ATF6: variants seen among roughly 807,000 people sequenced by gnomAD.
ATF6 encodes the protein cyclic AMP-dependent transcription factor ATF-6 alpha.
In ATF6, 53 loss-of-function variants were observed where a neutral mutation model predicts 83.6. The observed-to-expected ratio is 0.63, with a 90% confidence interval of 0.51 to 0.80. The LOEUF is 0.80. ATF6 is among the 30% of genes least tolerant of loss of function. ATF6 has a pLI of 0.00. For synonymous variants in ATF6, 288 were observed against 285.8 expected (o/e 1.01, Z -0.08); for missense variants, 744 against 797.9 (o/e 0.93, Z 0.81).
chr1:161,890,246 T>C (rs1687519699), intron 14 of ATF6, among the ~76,000 whole-genome samples: 1 of 152,264 alleles, frequency 6.6e-6, no homozygotes, highest in African/African-American at 2.4e-5. Context: ...AAGAGTCATA[T>C]AACTTAACAT....
At chr1:161,857,128 A>T (rs188367715) in intron 12 of ATF6, among the ~76,000 whole-genome samples, 8 of 152,274 alleles carry the variant, frequency 5.3e-5, no homozygotes, top group South Asian at 2.1e-4. Context: ...TCAAGATTTT[A>T]AAAAAATTCT....
At chr1:161,917,161 G>T (rs558263137) in intron 15 of ATF6, among the ~76,000 whole-genome samples, 2 of 152,310 alleles carry the variant, frequency 1.3e-5, no homozygotes, top group East Asian at 3.9e-4. Flanking sequence ...ATGCTGAGCT[G>T]CCAGTTAAGT....
chr1:161,864,959 A>T (rs1392066162), intron 14 of ATF6, among the ~76,000 whole-genome samples: 1 of 152,250 alleles, frequency 6.6e-6, no homozygotes, highest in African/African-American at 2.4e-5. Flanking sequence ...AGTATATTTT[A>T]TGGAAGTTAC....
At chr1:161,937,965 G>T (rs934932195) in intron 15 of ATF6, among the ~76,000 whole-genome samples, 2 of 151,660 alleles carry the variant, frequency 1.3e-5, no homozygotes, top group Non-Finnish European at 2.9e-5. Context: ...CAAAGCTAAA[G>T]CCCTGACAAT....
intron 15 of ATF6, among the ~76,000 whole-genome samples, chr1:161,927,942 C>T (rs570394058): frequency 6.6e-6 from 1 of 152,152 alleles, no homozygotes; most frequent in South Asian, 2.1e-4. Context: ...TTTTTAAAAA[C>T]AAAATGCTTT....
At chr1:161,922,362 G>A (rs773039974) in intron 15 of ATF6, among the ~76,000 whole-genome samples, 7 of 152,082 alleles carry the variant, frequency 4.6e-5, no homozygotes, top group South Asian at 2.1e-4. Flanking sequence ...GTATTCATTA[G>A]TTCATTTAAA....
chr1:161,909,771 A>G (rs1015626772), intron 14 of ATF6, among the ~76,000 whole-genome samples: 3 of 152,128 alleles, frequency 2.0e-5, no homozygotes, highest in African/African-American at 7.2e-5. Context: ...CCTGGCTAAC[A>G]TGGTGAAACC....
At chr1:161,939,731 C>T (rs1688607341) in intron 15 of ATF6, among the ~76,000 whole-genome samples, 3 of 152,178 alleles carry the variant, frequency 2.0e-5, no homozygotes, top group South Asian at 2.1e-4. Flanking sequence ...GAAGTGAGAA[C>T]GTATCCCTTC....
chr1:161,852,690 G>A (rs537245381), intron 11 of ATF6, among the ~76,000 whole-genome samples: 49 of 152,158 alleles, frequency 3.2e-4, no homozygotes, highest in South Asian at 1.0e-3. Flanking sequence ...ATAGCTCACC[G>A]CTTCCCCAAA....
At chr1:161,774,017 A>G (rs1265002918) in intron 1 of ATF6, among the ~76,000 whole-genome samples, 1 of 152,162 alleles carries the variant, frequency 6.6e-6, no homozygotes, top group African/African-American at 2.4e-5. Flanking sequence ...TATTACCCAC[A>G]CTTTCCTCCT....
chr1:161,937,270 G>A (rs1379034289), intron 15 of ATF6, among the ~76,000 whole-genome samples: 2 of 151,040 alleles, frequency 1.3e-5, no homozygotes, highest in Admixed American at 1.3e-4. Context: ...CGTGAACCCA[G>A]GCAGCGGAGG....
intron 9 of ATF6, among the ~76,000 whole-genome samples, chr1:161,835,276 G>A (rs950870751): frequency 6.6e-6 from 1 of 152,148 alleles, no homozygotes; most frequent in Non-Finnish European, 1.5e-5. Flanking sequence ...GGCTGGTCTC[G>A]AATTTCTGGG....
chr1:161,877,051 G>A (rs1253452227), intron 14 of ATF6, among the ~76,000 whole-genome samples: 2 of 152,032 alleles, frequency 1.3e-5, no homozygotes, highest in African/African-American at 4.8e-5. Context: ...AGAAGTTTCA[G>A]TAGTGGAGTC....
chr1:161,918,018 A>G (rs1688136063), intron 15 of ATF6, among the ~76,000 whole-genome samples: 1 of 152,186 alleles, frequency 6.6e-6, no homozygotes, highest in South Asian at 2.1e-4. Context: ...TATATTGTTA[A>G]TTCAATATTA....
chr1:161,912,970 T>C (rs1021307021), intron 15 of ATF6, among the ~76,000 whole-genome samples: 3 of 152,140 alleles, frequency 2.0e-5, no homozygotes, highest in African/African-American at 7.2e-5. Context: ...CAAAAATCAC[T>C]GTACTCCAAA....
intron 14 of ATF6, among the ~76,000 whole-genome samples, chr1:161,870,569 A>G (rs1295851683): frequency 6.6e-6 from 1 of 151,796 alleles, no homozygotes; most frequent in Non-Finnish European, 1.5e-5. Flanking sequence ...GGCGTGCTAG[A>G]TCTTTGAGAT....
intron 14 of ATF6, among the ~76,000 whole-genome samples, chr1:161,894,844 C>G (rs1360382965): frequency 6.6e-6 from 1 of 151,606 alleles, no homozygotes; most frequent in Admixed American, 6.6e-5. Flanking sequence ...GCTGCTGTGC[C>G]TGTCCTATTT....
At chr1:161,782,106 A>G in intron 3 of ATF6, 107 bp downstream of exon 3, 1 of 712,322 alleles carries the variant, frequency 1.4e-6, no homozygotes, top group South Asian at 1.8e-5. Flanking sequence ...GGTAGGTTAA[A>G]AGATTCCTGG....
chr1:161,862,374 C>T lies in ATF6; in HGVS notation c.1605-824C>T, dbSNP rs1052775787. On this transcript the variant is annotated intron_variant, in intron 13 of 15. Coordinates refer to ENST00000367942, the MANE Select transcript of ATF6 (RefSeq NM_007348.4). ...TTTGAGGAAAAATGAAGCATTTTTA[C>T]AGGATCCCTTTAACTCTTCCAGATA... Among the ~76,000 whole-genome samples the T allele has an allele frequency of 1.4e-4, 22 of 152,244 alleles. No individual in the cohort carries two copies. In the South Asian group the frequency reaches 4.4e-3, roughly 30 times the overall value.
Sources: gnomAD v4.1 joint callset for allele counts (sites outside exome capture counted in the v4.1 genomes callset) on GRCh38, gnomAD v4.1.1 for gene constraint, MANE v1.5 for transcripts, NCBI Gene and HGNC (gene_info 2026-07-23, HGNC 2026-07-21) for gene names.